Variants in GSG1L2 observed in about 807,000 individuals in gnomAD.
The protein encoded by GSG1L2 is germ cell-specific gene 1-like protein 2.
A neutral mutation model predicts 9.0 loss-of-function variants in GSG1L2; 15 were observed. The ratio of observed to expected loss-of-function variants is 1.67; its 90% CI spans 1.12 to 2.57. The LOEUF (loss-of-function observed/expected upper bound fraction) is 2.57, where lower values mean the gene tolerates loss of function less well. Among genes scored for constraint, GSG1L2 ranks in the 30% most tolerant of loss-of-function variants. The pLI, the probability that GSG1L2 is intolerant of heterozygous loss-of-function variation, is 0.00. For synonymous variants in GSG1L2, 127 were observed against 57.9 expected (o/e 2.19, Z -5.41); for missense variants, 286 against 150.3 (o/e 1.90, Z -4.72).
At chr17:9,818,194 C>G (rs1050720666) in intron 1 of GSG1L2, among the ~76,000 whole-genome samples, 3 of 152,198 alleles carry the variant, frequency 2.0e-5, no homozygotes. Context: ...CTGGCATCTG[C>G]TCAGCTTCTG....
intron 1 of GSG1L2, among the ~76,000 whole-genome samples, chr17:9,818,500 A>C (rs1231504260): frequency 1.1e-5 from 1 of 88,162 alleles, no homozygotes; most frequent in Non-Finnish European, 2.3e-5. Flanking sequence ...CACACAGCTA[A>C]ATTTTTTTTT....
chr17:9,806,732 A>AG (rs2066517522), intron 4 of GSG1L2, among the ~76,000 whole-genome samples: 3 of 152,302 alleles, frequency 2.0e-5, no homozygotes, highest in African/African-American at 2.4e-5. Context: ...ACTAATTCAA[A>AG]GGGGGGTAGC....
intron 2 of GSG1L2, chr17:9,809,791 CT>C (rs2152023133): frequency 6.6e-6 from 1 of 152,422 alleles, no homozygotes; most frequent in South Asian, 2.1e-4. Flanking sequence ...CCCAGGAAGT[CT>C]GGCTAGCCTC....
rs2066570485 is a variant in GSG1L2 at position 9,817,030 on chromosome 17, G to A, written c.310+4732C>T. On this transcript the variant is annotated intron_variant, in intron 1 of 4. Transcript: ENST00000399363. ...AGAGCCTCACACATCTCTCACTCCCGCTTTCAGCTCGTTTTAGGCTGAGAA... is the reference window on the plus strand; with the variant it reads ...AGAGCCTCACACATCTCTCACTCCCACTTTCAGCTCGTTTTAGGCTGAGAA... Among the ~76,000 whole-genome samples, 3 of 151,852 alleles carry A rather than the reference G, an allele frequency of 2.0e-5. No individual in the cohort carries two copies. The South Asian group carries it at 6.2e-4, about 32-fold the overall frequency.
Position 9,821,718 on chromosome 17 carries a change from C to T in GSG1L2, c.310+44G>A, listed in dbSNP as rs116265746. 2.5e-3 allele frequency: 1,709 copies of T among 692,388 alleles called. 15 individuals are homozygous for T. In the African/African-American group the frequency reaches 0.026, roughly 10 times the overall value. 42.9% of individuals were successfully genotyped at this position (692,388 alleles called of 1,614,324 possible). A position where few individuals can be genotyped will look rare whatever the true frequency, so the allele number is the denominator to read the frequency against. ...ACAGCCTGGCTCCAGAGCCCCTGCC[C>T]CATCCCGCACCTGTCTTCCCCAGAA... On this transcript the variant is annotated intron_variant, in intron 1 of 4. Coordinates refer to ENST00000399363, the MANE Select transcript of GSG1L2 (RefSeq NM_001310219.2).
rs888302843 is a variant in GSG1L2, at chr17:9,820,338, G to T, written c.310+1424C>A. ...TCCCAAGTGATTTGCCTATAAGTAT[G>T]GTGAATACAGTTTCCAAACCAAAAT... On this transcript the variant is annotated intron_variant, in intron 1 of 4. Coordinates refer to ENST00000399363, the MANE Select transcript of GSG1L2 (RefSeq NM_001310219.2). This position sits in a 1 kb window ranked among gnomAD's most constrained non-coding sequence, Gnocchi z 4.9. 2.0e-5 allele frequency among the ~76,000 whole-genome samples: 3 copies of T among 152,140 alleles called. No homozygotes were observed. Among genetic ancestry groups the T allele is most frequent in the Admixed American group, 6.5e-5 (1 of 15,272 alleles).
intron 4 of GSG1L2, 81 bp from the exon 5 acceptor site, chr17:9,802,725 T>C: frequency 3.1e-6 from 2 of 655,174 alleles, no homozygotes; most frequent in Non-Finnish European, 5.5e-6. Flanking sequence ...TGGGGGTCAA[T>C]CTGGAGAAAA....
intron 1 of GSG1L2, among the ~76,000 whole-genome samples, chr17:9,812,864 A>G: frequency 6.6e-6 from 1 of 152,078 alleles, no homozygotes; most frequent in East Asian, 1.9e-4. Context: ...CAGCCTCCCA[A>G]AGTGTTAGGA....
intron 2 of GSG1L2, 34 bp from the exon 3 acceptor site, chr17:9,809,016 A>T (rs973938833): frequency 1.4e-6 from 1 of 701,550 alleles, no homozygotes; most frequent in Non-Finnish European, 2.6e-6. Flanking sequence ...AACGCTGGAC[A>T]CTTCTAATTC....
chr17:9,816,550 C>CTG (rs536076353), intron 1 of GSG1L2, among the ~76,000 whole-genome samples: 1,294 of 97,356 alleles, frequency 0.013, 15 homozygotes, highest in Non-Finnish European at 0.019. Flanking sequence ...GTGCGTGTGT[C>CTG]TGTGTGTGCA....
intron 1 of GSG1L2, among the ~76,000 whole-genome samples, chr17:9,812,719 C>G (rs1333027294): frequency 6.6e-6 from 1 of 152,150 alleles, no homozygotes; most frequent in Non-Finnish European, 1.5e-5. Context: ...CTCCTGGGCT[C>G]AAGTGATCCT....
chr17:9,819,732 A>T (rs2066581418), intron 1 of GSG1L2, among the ~76,000 whole-genome samples: 2 of 152,050 alleles, frequency 1.3e-5, no homozygotes, highest in Non-Finnish European at 2.9e-5. Flanking sequence ...TCCTGGGATC[A>T]GGCGATTCTC....
At chr17:9,810,800 C>T in intron 1 of GSG1L2, 182 bp from the exon 2 acceptor site, 1 of 596,720 alleles carries the variant, frequency 1.7e-6, no homozygotes. Flanking sequence ...TGGACTCTGG[C>T]TTGGCCACGT....
chr17:9,801,269 G>A lies in GSG1L2; in HGVS notation c.*1117C>T, dbSNP rs549744416. 2.3e-3 allele frequency among the ~76,000 whole-genome samples: 357 copies of A among 151,958 alleles called. No individual in the cohort carries two copies. Among genetic ancestry groups the A allele is most frequent in the African/African-American group, 8.2e-3 (340 of 41,432 alleles). Reference sequence around the variant, plus strand: ...ATTGCCCAGGCTGGAGTGCAATGGCGCGATCTCTGCTCACTGCAACCTCCA... The same window carrying A: ...ATTGCCCAGGCTGGAGTGCAATGGCACGATCTCTGCTCACTGCAACCTCCA... On this transcript the variant is annotated 3_prime_UTR_variant, in exon 5 of 5. Coordinates refer to ENST00000399363, the MANE Select transcript of GSG1L2 (RefSeq NM_001310219.2).
At chr17:9,813,024 C>T (rs60881471) in intron 1 of GSG1L2, among the ~76,000 whole-genome samples, 14,768 of 152,172 alleles carry the variant, frequency 0.097, 1,123 homozygotes, top group East Asian at 0.35. Flanking sequence ...CTAATCACCA[C>T]GCAAAGGCCC....
intron 1 of GSG1L2, among the ~76,000 whole-genome samples, chr17:9,814,924 T>C (rs940000066): frequency 1.3e-5 from 2 of 152,178 alleles, no homozygotes; most frequent in Non-Finnish European, 2.9e-5. Flanking sequence ...TTTTGTGGAT[T>C]CACAAACTCA....
chr17:9,809,325 A>G (rs943806765), intron 2 of GSG1L2: 18 of 346,604 alleles, frequency 5.2e-5, no homozygotes, highest in Admixed American at 3.4e-4. Context: ...CGGTGGGTTC[A>G]TGGTCTGGCT....
intron 1 of GSG1L2, among the ~76,000 whole-genome samples, chr17:9,814,892 C>T (rs1240178221): frequency 1.3e-5 from 2 of 152,164 alleles, no homozygotes; most frequent in Non-Finnish European, 2.9e-5. Context: ...AGCAGAACAG[C>T]ATAGAATCTA....
At chr17:9,815,875 G>A (rs1422301576) in intron 1 of GSG1L2, among the ~76,000 whole-genome samples, 3 of 152,164 alleles carry the variant, frequency 2.0e-5, no homozygotes, top group Non-Finnish European at 2.9e-5. Context: ...GGAGCTTTAA[G>A]AGATGCTCGA....
Sources: allele counts gnomAD v4.1 joint callset (sites outside exome capture counted in the v4.1 genomes callset), GRCh38; gene constraint gnomAD v4.1.1; non-coding constraint Gnocchi (gnomAD v3.1); transcripts MANE v1.5; gene names NCBI Gene and HGNC (gene_info 2026-07-23, HGNC 2026-07-21).